The following ZNF277 variants were observed in gnomAD, a reference collection of about 807,000 sequenced individuals.
The protein encoded by ZNF277 is zinc finger protein 277, also known as nuclear receptor-interacting factor 4.
A neutral mutation model predicts 60.7 loss-of-function variants in ZNF277; 55 were observed. That is an observed-to-expected ratio of 0.91 (90% CI 0.73 to 1.13). ZNF277 has a LOEUF of 1.13. ZNF277 is among the 50% of genes most tolerant of loss of function. The pLI is 0.00. For missense variants in ZNF277, 510 were observed against 523.0 expected, an observed-to-expected ratio of 0.98 and a Z score of 0.24; for synonymous variants, 178 against 179.3, an observed-to-expected ratio of 0.99 and a Z score of 0.06.
chr7:112,207,993 A>G (rs1156257881), intron 1 of ZNF277, among the ~76,000 whole-genome samples: 1 of 152,162 alleles, frequency 6.6e-6, no homozygotes, highest in Non-Finnish European at 1.5e-5. Context: ...TCTGATGGTA[A>G]CAGACTATTA....
At chr7:112,212,600 A>G (rs1821779816) in intron 1 of ZNF277, among the ~76,000 whole-genome samples, 1 of 152,212 alleles carries the variant, frequency 6.6e-6, no homozygotes, top group South Asian at 2.1e-4. Context: ...AATTATAAAG[A>G]TCTGCCTGCT....
At chr7:112,210,221 G>C (rs1821700757) in intron 1 of ZNF277, among the ~76,000 whole-genome samples, 1 of 151,924 alleles carries the variant, frequency 6.6e-6, no homozygotes, top group African/African-American at 2.4e-5. Context: ...TTTTCTTCTT[G>C]CTCTGATTAA....
chr7:112,274,249 C>G (rs1240793812), intron 1 of ZNF277, among the ~76,000 whole-genome samples: 1 of 152,068 alleles, frequency 6.6e-6, no homozygotes, highest in Non-Finnish European at 1.5e-5. Context: ...CCTCAACCTC[C>G]CGGGCCCAAG....
At chr7:112,311,206 T>C (rs1792723963) in intron 4 of ZNF277, among the ~76,000 whole-genome samples, 1 of 152,166 alleles carries the variant, frequency 6.6e-6, no homozygotes, top group Non-Finnish European at 1.5e-5. Flanking sequence ...TCTGCTGTTT[T>C]ATTAATTTTT....
chr7:112,336,557 G>T (rs1001655270), intron 8 of ZNF277, among the ~76,000 whole-genome samples: 1 of 152,048 alleles, frequency 6.6e-6, no homozygotes, highest in African/African-American at 2.4e-5. Context: ...TTCTGTGTTC[G>T]GGCCATTGAT....
intron 1 of ZNF277, among the ~76,000 whole-genome samples, chr7:112,274,368 G>A (rs947307454): frequency 6.6e-6 from 1 of 151,986 alleles, no homozygotes; most frequent in Non-Finnish European, 1.5e-5. Flanking sequence ...TGTTACCCAA[G>A]CCAGTTTTGA....
At chr7:112,248,659 A>G (rs1384658942) in intron 1 of ZNF277, among the ~76,000 whole-genome samples, 1 of 152,056 alleles carries the variant, frequency 6.6e-6, no homozygotes, top group African/African-American at 2.4e-5. Context: ...ATATGTATGT[A>G]TAAACATGTA....
At chr7:112,248,026 T>C (rs1791122335) in intron 1 of ZNF277, among the ~76,000 whole-genome samples, 1 of 152,032 alleles carries the variant, frequency 6.6e-6, no homozygotes, top group South Asian at 2.1e-4. Context: ...TTAGGCCTTA[T>C]ACTTTTTGGG....
At chr7:112,262,387 C>T (rs1010435376) in intron 1 of ZNF277, among the ~76,000 whole-genome samples, 1 of 151,872 alleles carries the variant, frequency 6.6e-6, no homozygotes, top group Non-Finnish European at 1.5e-5. Context: ...AAAGAGAGCA[C>T]TGTATGGGAT....
At chr7:112,250,335 G>A (rs922561877) in intron 1 of ZNF277, among the ~76,000 whole-genome samples, 5 of 152,116 alleles carry the variant, frequency 3.3e-5, no homozygotes, top group South Asian at 2.1e-4. Flanking sequence ...AGTGGTGCCC[G>A]GAACTTCATT....
At chr7:112,309,424 G>A (rs967142642) in intron 4 of ZNF277, among the ~76,000 whole-genome samples, 1 of 151,856 alleles carries the variant, frequency 6.6e-6, no homozygotes, top group African/African-American at 2.4e-5. Context: ...TCCCTATATA[G>A]TCTTAAACAA....
intron 1 of ZNF277, among the ~76,000 whole-genome samples, chr7:112,228,454 C>CTT (rs71150013): frequency 5.5e-5 from 2 of 36,406 alleles, no homozygotes; most frequent in African/African-American, 2.0e-4. Flanking sequence ...GAGGAGAGGC[C>CTT]TTTTTTTTTT....
At chr7:112,300,601 A>G (rs1792451897) in intron 4 of ZNF277, among the ~76,000 whole-genome samples, 1 of 152,204 alleles carries the variant, frequency 6.6e-6, no homozygotes, top group Admixed American at 6.5e-5. Flanking sequence ...AGGCAGTCAG[A>G]GTAAATATTC....
intron 7 of ZNF277, among the ~76,000 whole-genome samples, chr7:112,333,096 CA>C (rs1399843326): frequency 1.3e-5 from 2 of 150,464 alleles, no homozygotes; most frequent in African/African-American, 4.9e-5. Flanking sequence ...AGTAATAAAT[CA>C]ATATGAAGAA....
intron 4 of ZNF277, among the ~76,000 whole-genome samples, chr7:112,296,930 T>TATTTATTTA (rs1411716765): frequency 1.1e-5 from 1 of 88,724 alleles, no homozygotes; most frequent in African/African-American, 3.8e-5. Context: ...TTTTTTTTTT[T>TATTTATTTA]TTTTTTTTTT....
chr7:112,287,584 T>A (rs1218625077), intron 2 of ZNF277: 2 of 151,810 alleles, frequency 1.3e-5, no homozygotes, highest in African/African-American at 4.8e-5. Context: ...TGGAGTGCAG[T>A]GGCACGATCT....
In ZNF277 at chr7:112,206,765, C is replaced by G. The variant is rs755056455; in HGVS notation, c.49C>G (p.Arg17Gly). 6.8e-6 allele frequency: 11 copies of G among 1,612,960 alleles called. No homozygotes were observed. Among genetic ancestry groups the G allele is most frequent in the Admixed American group, 1.7e-5 (1 of 59,766 alleles). ...QGAVARMQED[R>G]DGSCSTVGGV... is the part of the protein sequence containing the mutation. ...GGCTGTCGCCCGAATGCAGGAAGAC[C>G]GTGATGGGAGCTGCAGCACAGTCGG... The change falls in exon 1 of 12, where the codon CGT becomes GGT. Residue 17 changes from arginine to glycine, a missense_variant. Arg to Gly is a moderately radical substitution (Grantham distance 125). Transcript: ENST00000361822.
At chr7:112,262,605 C>A (rs1343201222) in intron 1 of ZNF277, among the ~76,000 whole-genome samples, 1 of 152,020 alleles carries the variant, frequency 6.6e-6, no homozygotes, top group Non-Finnish European at 1.5e-5. Flanking sequence ...AAAGTTTGTT[C>A]TGTAGCATTG....
intron 1 of ZNF277, among the ~76,000 whole-genome samples, chr7:112,208,153 G>A (rs916381094): frequency 6.6e-6 from 1 of 151,928 alleles, no homozygotes; most frequent in African/African-American, 2.4e-5. Context: ...GAGGCGAGTG[G>A]ATCACAAGGT....
Sources: allele counts gnomAD v4.1 joint callset (sites outside exome capture counted in the v4.1 genomes callset), GRCh38; gene constraint gnomAD v4.1.1; transcripts MANE v1.5; gene names NCBI Gene and HGNC (gene_info 2026-07-23, HGNC 2026-07-21).